Variants in P2RY12 observed in about 807,000 individuals in gnomAD.
The protein encoded by P2RY12 is P2Y purinoceptor 12.
In P2RY12, 3 loss-of-function variants were observed where a neutral mutation model predicts 4.5. The ratio of observed to expected loss-of-function variants is 0.67; its 90% CI spans 0.31 to 1.74. The LOEUF (loss-of-function observed/expected upper bound fraction) is 1.74. Ranked by LOEUF, P2RY12 falls within the 40% of genes most tolerant of loss-of-function variation. P2RY12 has a pLI of 0.09. For synonymous variants in P2RY12, 148 were observed against 154.1 expected, an observed-to-expected ratio of 0.96 and a Z score of 0.29; for missense variants, 356 against 407.8, an observed-to-expected ratio of 0.87 and a Z score of 1.09.
intron 1 of P2RY12, among the ~76,000 whole-genome samples, chr3:151,371,472 C>T (rs1408784167): frequency 6.6e-6 from 1 of 152,170 alleles, no homozygotes; most frequent in Non-Finnish European, 1.5e-5. Context: ...TAATGAGAAA[C>T]ATATGATTAT....
At chr3:151,364,877 A>T (rs1015986941) in intron 1 of P2RY12, 1 of 784,930 alleles carries the variant, frequency 1.3e-6, no homozygotes, top group Non-Finnish European at 2.2e-6. Context: ...TTCTCTAGGA[A>T]TGCATTACAG....
At chr3:151,380,065 A>G (rs773077412) in intron 1 of P2RY12, 1 of 1,159,454 alleles carries the variant, frequency 8.6e-7, no homozygotes, top group Non-Finnish European at 1.2e-6. Context: ...AGAGGAAGTA[A>G]TGCATTATTT....
Position 151,344,913 on chromosome 3 carries a change from T to G in P2RY12, c.-179-4153A>C, listed in dbSNP as rs1873623. Among the ~76,000 whole-genome samples, 1,038 of 152,324 alleles carry G rather than the reference T, an allele frequency of 6.8e-3. 10 individuals carry two copies. The highest frequency in any genetic ancestry group is 0.024 in the South Asian group (115 of 4,830). On this transcript the variant is annotated intron_variant, in intron 1 of 2. Coordinates refer to ENST00000302632, the MANE Select transcript of P2RY12 (RefSeq NM_022788.5). ...TCATTATGACATCTTTGTCAACACA[T>G]ACACATTTTGGCAAAATTTCTAATC... is the stretch of plus-strand genomic sequence containing the variant.
intron 1 of P2RY12, chr3:151,372,660 T>C (rs1354803301): frequency 1.2e-6 from 2 of 1,613,956 alleles, no homozygotes; most frequent in Non-Finnish European, 1.7e-6. Flanking sequence ...GCTGATGATA[T>C]CTGGACTGCC....
intron 1 of P2RY12, among the ~76,000 whole-genome samples, chr3:151,377,686 G>T (rs1393964366): frequency 2.0e-5 from 3 of 152,122 alleles, no homozygotes; most frequent in African/African-American, 7.2e-5. Context: ...ATTTCATATT[G>T]TAACTGTGAC....
chr3:151,357,513 A>G, intron 1 of P2RY12: 2 of 718,008 alleles, frequency 2.8e-6, no homozygotes, highest in Non-Finnish European at 2.1e-6. Flanking sequence ...CACTCTTGCC[A>G]GAAAACATCG....
chr3:151,363,185 G>C (rs1393300832), intron 1 of P2RY12, among the ~76,000 whole-genome samples: 2 of 152,042 alleles, frequency 1.3e-5, no homozygotes, highest in African/African-American at 4.8e-5. Flanking sequence ...ATAGTGATTG[G>C]CACTGTCTAA....
intron 1 of P2RY12, among the ~76,000 whole-genome samples, chr3:151,373,594 A>G (rs1463047103): frequency 6.7e-6 from 1 of 150,004 alleles, no homozygotes; most frequent in African/African-American, 2.5e-5. Context: ...CTCTCCCTTC[A>G]TAATATCAGT....
intron 1 of P2RY12, chr3:151,382,815 C>T (rs946781795): frequency 1.1e-5 from 14 of 1,275,958 alleles, no homozygotes; most frequent in Non-Finnish European, 1.4e-5. Context: ...CAGCTTTCCA[C>T]TTCTCCTAAG....
intron 1 of P2RY12, among the ~76,000 whole-genome samples, chr3:151,348,917 C>G (rs372097117): frequency 6.6e-6 from 1 of 152,164 alleles, no homozygotes; most frequent in Admixed American, 6.5e-5. Context: ...GCTGCCACTG[C>G]TAATTAGGAA....
chr3:151,375,701 G>A (rs771817167), intron 1 of P2RY12, among the ~76,000 whole-genome samples: 11 of 151,976 alleles, frequency 7.2e-5, no homozygotes, highest in Non-Finnish European at 1.3e-4. Flanking sequence ...TCATTATATA[G>A]CAAGTTAGAA....
chr3:151,344,354 A>G (rs1752273394), intron 1 of P2RY12, among the ~76,000 whole-genome samples: 1 of 152,022 alleles, frequency 6.6e-6, no homozygotes, highest in Non-Finnish European at 1.5e-5. Flanking sequence ...TTCCTCATCC[A>G]TGTGCACACC....
intron 2 of P2RY12, among the ~76,000 whole-genome samples, chr3:151,339,675 G>A (rs1751548048): frequency 1.3e-5 from 2 of 151,966 alleles, no homozygotes; most frequent in South Asian, 4.1e-4. Context: ...AATGGCCTGT[G>A]TATATATGGT....
rs1283648271 is a variant in P2RY12 at position 151,337,197 on chromosome 3, T to C, written c.*620A>G. The stretch of plus-strand genomic sequence containing the variant: ...ATATTTCTTCTCTTTATTGTAAAGG[T>C]CTTCTTTAAATCTTTATCTTCTAAA... On this transcript the variant is annotated 3_prime_UTR_variant, in exon 3 of 3. Coordinates refer to ENST00000302632, the MANE Select transcript of P2RY12 (RefSeq NM_022788.5). 1.3e-5 allele frequency: 2 copies of C among 152,158 alleles called. No homozygotes were observed. The highest frequency in any genetic ancestry group is 4.8e-5 in the African/African-American group (2 of 41,462). 9.4% of individuals were successfully genotyped at this position (152,158 alleles called of 1,614,324 possible).
chr3:151,376,212 C>A, intron 1 of P2RY12: 1 of 1,575,400 alleles, frequency 6.3e-7, no homozygotes, highest in Non-Finnish European at 8.6e-7. Context: ...GCGTATTCTT[C>A]AGGTCAGTCG....
chr3:151,376,863 T>C, intron 1 of P2RY12: 1 of 1,614,022 alleles, frequency 6.2e-7, no homozygotes, highest in Non-Finnish European at 8.5e-7. Flanking sequence ...CAAACAGTGC[T>C]TGAAGGACCC....
At chr3:151,369,012 C>T (rs568338881) in intron 1 of P2RY12, among the ~76,000 whole-genome samples, 3 of 152,138 alleles carry the variant, frequency 2.0e-5, no homozygotes, top group Admixed American at 6.5e-5. Context: ...CCACCTGCCT[C>T]GGCCTCCCAA....
At chr3:151,371,585 C>T (rs1233582050) in intron 1 of P2RY12, among the ~76,000 whole-genome samples, 4 of 152,046 alleles carry the variant, frequency 2.6e-5, no homozygotes, top group Non-Finnish European at 5.9e-5. Flanking sequence ...AAAACTTTTT[C>T]TTGGTTGACT....
intron 1 of P2RY12, among the ~76,000 whole-genome samples, chr3:151,346,428 C>G (rs553538047): frequency 6.4e-4 from 98 of 152,250 alleles, no homozygotes; most frequent in Non-Finnish European, 1.1e-3. Context: ...GGTCACTTCC[C>G]TATCTTCACC....
Sources: allele counts gnomAD v4.1 joint callset (sites outside exome capture counted in the v4.1 genomes callset), GRCh38; gene constraint gnomAD v4.1.1; transcripts MANE v1.5; gene names NCBI Gene and HGNC (gene_info 2026-07-23, HGNC 2026-07-21).